GAS2: variants seen among roughly 807,000 people sequenced by gnomAD.
GAS2 encodes the protein growth arrest-specific protein 2.
GAS2 carries 20 observed loss-of-function variants against 37.5 expected under a neutral mutation model. The ratio of observed to expected loss-of-function variants is 0.53; its 90% confidence interval spans 0.37 to 0.77. The LOEUF is 0.77. GAS2 is among the 30% of genes least tolerant of loss of function. The pLI is 0.00. For synonymous variants in GAS2, 144 were observed against 132.2 expected (o/e 1.09, Z -0.61); for missense variants, 336 against 373.4 (o/e 0.90, Z 0.82).
intron 2 of GAS2, among the ~76,000 whole-genome samples, chr11:22,676,855 C>T (rs1849451480): frequency 6.6e-6 from 1 of 152,032 alleles, no homozygotes; most frequent in African/African-American, 2.4e-5. Context: ...GGGCAAGTGT[C>T]TTATTGCACT....
chr11:22,670,701 C>G (rs1268091205), intron 1 of GAS2, among the ~76,000 whole-genome samples: 1 of 152,032 alleles, frequency 6.6e-6, no homozygotes, highest in Non-Finnish European at 1.5e-5. Flanking sequence ...AGTTTTCAGC[C>G]TCCGTTGTAT....
chr11:22,642,725 T>A (rs868020585), intron 1 of GAS2, among the ~76,000 whole-genome samples: 1 of 152,176 alleles, frequency 6.6e-6, no homozygotes, highest in East Asian at 1.9e-4. Context: ...TTACACGGAA[T>A]GTAAAGAACA....
chr11:22,687,177 G>T (rs1187253402), intron 3 of GAS2, among the ~76,000 whole-genome samples: 1 of 152,016 alleles, frequency 6.6e-6, no homozygotes, highest in Non-Finnish European at 1.5e-5. Flanking sequence ...ACACAAAAAA[G>T]TTAGCAGGGA....
intron 7 of GAS2, among the ~76,000 whole-genome samples, chr11:22,793,511 G>C (rs1856281645): frequency 6.6e-6 from 1 of 152,132 alleles, no homozygotes; most frequent in Admixed American, 6.6e-5. Context: ...TTGTGCCCCA[G>C]AGAAAATGTT....
chr11:22,764,269 C>A (rs1854551310), intron 7 of GAS2, among the ~76,000 whole-genome samples: 1 of 152,050 alleles, frequency 6.6e-6, no homozygotes, highest in Non-Finnish European at 1.5e-5. Context: ...TTTAAAAAAG[C>A]AAGAAAGACG....
At chr11:22,756,417 TG>T (rs1457780716) in intron 7 of GAS2, among the ~76,000 whole-genome samples, 4 of 152,164 alleles carry the variant, frequency 2.6e-5, no homozygotes, top group Admixed American at 2.0e-4. Context: ...GAGGTTGTGA[TG>T]TTTTTTAAAA....
intron 1 of GAS2, among the ~76,000 whole-genome samples, chr11:22,653,017 T>TTGTCTTTCTTTCTTTG (rs1405725094): frequency 1.4e-5 from 2 of 146,656 alleles, no homozygotes; most frequent in African/African-American, 2.5e-5. Context: ...CTTTCTTTCT[T>TTGTCTTTCTTTCTTTG]TCTTTCTTTC....
At chr11:22,737,465 G>A (rs907918927) in intron 4 of GAS2, among the ~76,000 whole-genome samples, 13 of 152,068 alleles carry the variant, frequency 8.5e-5, no homozygotes, top group African/African-American at 1.9e-4. Flanking sequence ...TGAGATTTCC[G>A]GGGTGAGAGT....
chr11:22,776,463 G>A (rs765967903), intron 7 of GAS2, among the ~76,000 whole-genome samples: 1 of 152,176 alleles, frequency 6.6e-6, no homozygotes, highest in Non-Finnish European at 1.5e-5. Context: ...AAATAGAACA[G>A]GATAATATGG....
chr11:22,690,656 T>A (rs1850199637), intron 3 of GAS2, among the ~76,000 whole-genome samples: 1 of 152,174 alleles, frequency 6.6e-6, no homozygotes, highest in African/African-American at 2.4e-5. Context: ...AAAATATAAA[T>A]GAAATGAATC....
At chr11:22,771,108 G>T (rs946093468) in intron 7 of GAS2, among the ~76,000 whole-genome samples, 1 of 151,678 alleles carries the variant, frequency 6.6e-6, no homozygotes. Context: ...TTTTCATGAG[G>T]TACTAAAACA....
intron 1 of GAS2, among the ~76,000 whole-genome samples, chr11:22,644,069 C>T (rs1848660798): frequency 6.6e-6 from 1 of 151,992 alleles, no homozygotes; most frequent in African/African-American, 2.4e-5. Context: ...TATGCATGTA[C>T]ATTACCTGCA....
At chr11:22,652,234 G>A (rs538911376) in intron 1 of GAS2, among the ~76,000 whole-genome samples, 2 of 152,330 alleles carry the variant, frequency 1.3e-5, no homozygotes, top group South Asian at 4.1e-4. Context: ...GGCTGCTCGG[G>A]GGTCAGGGGG....
At chr11:22,727,938 G>A (rs564209897) in intron 4 of GAS2, among the ~76,000 whole-genome samples, 2 of 152,054 alleles carry the variant, frequency 1.3e-5, no homozygotes, top group South Asian at 2.1e-4. Flanking sequence ...TGTTAAGATC[G>A]TGTAAAAATA....
At chr11:22,734,908 A>G (rs1285003646) in intron 4 of GAS2, among the ~76,000 whole-genome samples, 1 of 151,874 alleles carries the variant, frequency 6.6e-6, no homozygotes, top group Non-Finnish European at 1.5e-5. Context: ...CCTTTTTAGT[A>G]TAATATAGAT....
rs1050119703 is a variant in GAS2 at position 22,680,900 on chromosome 11, G to T, written c.146-4768G>T. ...AGCCAAGTTCCTCTACCCTCGAATT[G>T]GGTGACCTGAGGCAAGTTACTTAAT... On this transcript the variant is annotated intron_variant, in intron 2 of 7. Transcript: ENST00000454584. Among the ~76,000 whole-genome samples, 3 of 151,204 alleles carry T rather than the reference G, an allele frequency of 2.0e-5. No homozygotes were observed. In the East Asian group the frequency reaches 5.9e-4, roughly 30 times the overall value.
chr11:22,686,162 T>C (rs963295460), intron 3 of GAS2, among the ~76,000 whole-genome samples: 1 of 152,162 alleles, frequency 6.6e-6, no homozygotes, highest in Non-Finnish European at 1.5e-5. Context: ...TTCAAAAATA[T>C]TATGGCAGAA....
chr11:22,674,040 T>C (rs1332605040), intron 1 of GAS2, among the ~76,000 whole-genome samples: 3 of 152,190 alleles, frequency 2.0e-5, no homozygotes, highest in African/African-American at 4.8e-5. Context: ...TTGTTAGAAC[T>C]ATGATGCAGT....
intron 3 of GAS2, among the ~76,000 whole-genome samples, chr11:22,715,742 G>A (rs1409148113): frequency 6.6e-6 from 1 of 151,878 alleles, no homozygotes; most frequent in Admixed American, 6.6e-5. Flanking sequence ...GGACCAGGAA[G>A]ATTTGTAGCT....
Sources: gnomAD v4.1 joint callset for allele counts (sites outside exome capture counted in the v4.1 genomes callset) on GRCh38, gnomAD v4.1.1 for gene constraint, MANE v1.5 for transcripts, NCBI Gene and HGNC (gene_info 2026-07-23, HGNC 2026-07-21) for gene names.